PRKCE: variants seen among roughly 807,000 people sequenced by gnomAD.
PRKCE encodes the protein protein kinase C epsilon type.
PRKCE carries 16 observed loss-of-function variants against 85.4 expected under a neutral mutation model. The observed-to-expected ratio is 0.19, with a 90% confidence interval of 0.13 to 0.28. PRKCE has a LOEUF of 0.28. Ranked by LOEUF, PRKCE falls within the 10% of genes least tolerant of loss-of-function variation. The pLI is 1.00. For missense variants in PRKCE, 573 were observed against 975.2 expected (o/e 0.59, Z 5.49); for synonymous variants, 388 against 371.5 (o/e 1.04, Z -0.51).
chr2:45,811,111 G>C (rs1688625749), intron 1 of PRKCE, among the ~76,000 whole-genome samples: 1 of 152,194 alleles, frequency 6.6e-6, no homozygotes, highest in East Asian at 1.9e-4. Flanking sequence ...GGAGGTTGGG[G>C]AATGTGTTCT....
intron 2 of PRKCE, among the ~76,000 whole-genome samples, chr2:45,904,693 C>G (rs7583262): frequency 6.6e-6 from 1 of 152,176 alleles, no homozygotes; most frequent in African/African-American, 2.4e-5. Context: ...AAGAATCAAA[C>G]TAATCCCTTT....
chr2:46,084,548 G>A (rs1039196343), intron 10 of PRKCE, among the ~76,000 whole-genome samples: 1 of 151,596 alleles, frequency 6.6e-6, no homozygotes, highest in Admixed American at 6.6e-5. Flanking sequence ...ATGGTGAAAC[G>A]CCATCTCTAC....
chr2:46,009,756 T>G (rs1022322451), intron 9 of PRKCE, among the ~76,000 whole-genome samples: 1 of 152,220 alleles, frequency 6.6e-6, no homozygotes, highest in Non-Finnish European at 1.5e-5. Flanking sequence ...GTGCCTAATT[T>G]GAGGGAAATG....
intron 1 of PRKCE, among the ~76,000 whole-genome samples, chr2:45,695,281 A>G (rs1321999978): frequency 6.6e-6 from 1 of 152,128 alleles, no homozygotes; most frequent in Non-Finnish European, 1.5e-5. Flanking sequence ...TGTTCCCGCG[A>G]TGATTTTAAT....
At chr2:45,738,283 C>A (rs1394769222) in intron 1 of PRKCE, among the ~76,000 whole-genome samples, 1 of 152,204 alleles carries the variant, frequency 6.6e-6, no homozygotes, top group Non-Finnish European at 1.5e-5. Flanking sequence ...CAACTAGAGC[C>A]TTTTATGGCA....
At chr2:46,130,050 A>G (rs1674268793) in intron 11 of PRKCE, among the ~76,000 whole-genome samples, 1 of 152,228 alleles carries the variant, frequency 6.6e-6, no homozygotes, top group Non-Finnish European at 1.5e-5. Context: ...GCACATGAAA[A>G]TAGCGAGTTT....
chr2:46,070,307 T>C (rs2103722020), intron 10 of PRKCE, among the ~76,000 whole-genome samples: 1 of 152,366 alleles, frequency 6.6e-6, no homozygotes, highest in South Asian at 2.1e-4. Flanking sequence ...TACACATTTT[T>C]GAATGTTAGC....
intron 1 of PRKCE, among the ~76,000 whole-genome samples, chr2:45,841,530 G>C (rs776144889): frequency 2.0e-5 from 3 of 152,228 alleles, no homozygotes; most frequent in African/African-American, 7.2e-5. Context: ...TTCTAGCCAC[G>C]CTGGCAGCTG....
intron 2 of PRKCE, among the ~76,000 whole-genome samples, chr2:45,899,786 G>A (rs1310679176): frequency 6.6e-6 from 1 of 152,202 alleles, no homozygotes; most frequent in African/African-American, 2.4e-5. Context: ...ATTCCTGCCT[G>A]AAGTTCCACT....
At chr2:46,111,628 A>G (rs1465737127) in intron 11 of PRKCE, among the ~76,000 whole-genome samples, 4 of 152,174 alleles carry the variant, frequency 2.6e-5, no homozygotes, top group African/African-American at 9.6e-5. Flanking sequence ...TTTATTTAAC[A>G]TTATGCTTTC....
intron 6 of PRKCE, among the ~76,000 whole-genome samples, chr2:45,998,378 G>A (rs185258178): frequency 1.2e-4 from 18 of 152,256 alleles, no homozygotes; most frequent in African/African-American, 3.9e-4. Flanking sequence ...GTACATACAC[G>A]TTAAAAATTA....
In PRKCE at chr2:45,984,631, C is replaced by T. The variant is rs1227075769; in HGVS notation, c.774C>T (p.His258=). The T allele has an allele frequency of 1.3e-6, 2 of 1,599,752 alleles. No individual in the cohort carries two copies. The highest frequency in any genetic ancestry group is 1.7e-6 in the Non-Finnish European group (2 of 1,179,942). The part of the protein sequence containing the change: ...HNYKVPTFCD[H]CGSLLWGLLR... ...ACAAGGTCCCTACCTTCTGCGATCA[C>T]TGTGGGTCCCTGCTCTGGGGACTCT... The change falls in exon 6 of 15, where the codon CAC becomes CAT. Residue 258 remains histidine (H), a synonymous_variant. Coordinates refer to ENST00000306156, the MANE Select transcript of PRKCE (RefSeq NM_005400.3).
chr2:46,073,706 C>G (rs1281707587), intron 10 of PRKCE: 1 of 152,072 alleles, frequency 6.6e-6, no homozygotes, highest in Non-Finnish European at 1.5e-5. Context: ...ATCAGGGACC[C>G]AAACTGATGC....
At chr2:45,657,331 G>A (rs1003164992) in intron 1 of PRKCE, among the ~76,000 whole-genome samples, 1 of 152,156 alleles carries the variant, frequency 6.6e-6, no homozygotes, top group South Asian at 2.1e-4. Context: ...CCACTTTCAT[G>A]ACCTTTAGCG....
Position 46,155,488 on chromosome 2 carries a change from C to T in PRKCE, c.1921-4118C>T, listed in dbSNP as rs1677107468. On this transcript the variant is annotated intron_variant, in intron 13 of 14. Coordinates refer to ENST00000306156, the MANE Select transcript of PRKCE (RefSeq NM_005400.3). The surrounding 1 kb of genome is among the most constrained non-coding windows in gnomAD (Gnocchi z 4.7). ...GCACAGCACTCTCCCACTTCCCACC[C>T]TGCACTCAGGGAGGGGTATCCCCAG... Among the ~76,000 whole-genome samples the T allele has an allele frequency of 6.6e-6, 1 of 152,136 alleles. No homozygotes were observed. Among genetic ancestry groups the T allele is most frequent in the African/African-American group, 2.4e-5 (1 of 41,436 alleles).
chr2:46,034,935 G>A (rs1707765561), intron 10 of PRKCE, among the ~76,000 whole-genome samples: 1 of 152,266 alleles, frequency 6.6e-6, no homozygotes, highest in Non-Finnish European at 1.5e-5. Context: ...ACACCTTAGA[G>A]TGATAGCCCT....
chr2:46,074,032 T>C (rs1413122503), intron 10 of PRKCE: 1 of 152,060 alleles, frequency 6.6e-6, no homozygotes, highest in Non-Finnish European at 1.5e-5. Flanking sequence ...CCTCTCTTTG[T>C]GTAGTGTGAG....
In PRKCE at chr2:45,783,582, G is replaced by C. The variant is rs188026003; in HGVS notation, c.349-59418G>C. On this transcript the variant is annotated intron_variant, in intron 1 of 14. Transcript: ENST00000306156. Reference sequence around the variant, plus strand: ...CCTTATGTTCACCTTTGGTTGTATGGAAGTCGTTCTCTTACTGTTTAATCC... The same window carrying C: ...CCTTATGTTCACCTTTGGTTGTATGCAAGTCGTTCTCTTACTGTTTAATCC... Among the ~76,000 whole-genome samples, 3 of 152,312 alleles carry C rather than the reference G, an allele frequency of 2.0e-5. No homozygotes were observed. In the East Asian group the frequency reaches 5.8e-4, roughly 29 times the overall value.
intron 9 of PRKCE, among the ~76,000 whole-genome samples, chr2:46,008,793 G>C (rs140990761): frequency 1.5e-3 from 229 of 152,308 alleles, no homozygotes; most frequent in African/African-American, 5.0e-3. Context: ...ACAGGATGTG[G>C]TCTAATTTTG....
Sources: allele counts gnomAD v4.1 joint callset (sites outside exome capture counted in the v4.1 genomes callset), GRCh38; gene constraint gnomAD v4.1.1; non-coding constraint Gnocchi (gnomAD v3.1); transcripts MANE v1.5; gene names NCBI Gene and HGNC (gene_info 2026-07-23, HGNC 2026-07-21).